ROBO2: variants seen among roughly 807,000 people sequenced by gnomAD.
ROBO2 encodes the protein roundabout guidance receptor 2.
Under a neutral mutation model 160.8 loss-of-function variants are expected in ROBO2, and 53 were observed. The ratio of observed to expected loss-of-function variants is 0.33; its 90% confidence interval spans 0.26 to 0.41. The LOEUF (loss-of-function observed/expected upper bound fraction) is 0.41. Among genes scored for constraint, ROBO2 ranks in the 10% least tolerant of loss-of-function variants. The pLI is 1.00. For synonymous variants in ROBO2, 664 were observed against 611.7 expected, an observed-to-expected ratio of 1.09 and a Z score of -1.26; for missense variants, 1,577 against 1,722.4, an observed-to-expected ratio of 0.92 and a Z score of 1.49.
intron 2 of ROBO2, among the ~76,000 whole-genome samples, chr3:77,150,743 T>C (rs1382189015): frequency 6.6e-6 from 1 of 151,932 alleles, no homozygotes; most frequent in Non-Finnish European, 1.5e-5. Flanking sequence ...TTTTTTTTTA[T>C]TATAAGAACA....
At chr3:76,068,172 C>T (rs771190889) in intron 2 of ROBO2, among the ~76,000 whole-genome samples, 5 of 152,118 alleles carry the variant, frequency 3.3e-5, no homozygotes, top group Non-Finnish European at 5.9e-5. Context: ...AGAGTACAGA[C>T]TTTGCAGGTA....
In ROBO2 at chr3:76,964,702, G is replaced by A. The variant is rs189433659; in HGVS notation, c.110-133312G>A. Among the ~76,000 whole-genome samples, 142 of 152,206 alleles carry A rather than the reference G, an allele frequency of 9.3e-4. 1 individual carries two copies. The highest frequency in any genetic ancestry group is 2.9e-3 in the African/African-American group (122 of 41,526). ...CTGATATAGGTCATTCCATCTCTTC[G>A]ATTGTGTTATTCCTGACTTTACATT... On this transcript the variant is annotated intron_variant, in intron 2 of 26. Transcript: ENST00000487694.
intron 5 of ROBO2, among the ~76,000 whole-genome samples, chr3:77,508,529 T>C (rs977170685): frequency 6.6e-6 from 1 of 150,920 alleles, no homozygotes; most frequent in South Asian, 2.1e-4. Context: ...TAGTGAAAAC[T>C]AGAATGACTG....
intron 2 of ROBO2, among the ~76,000 whole-genome samples, chr3:76,265,100 T>C (rs1481610600): frequency 6.6e-6 from 1 of 152,152 alleles, no homozygotes; most frequent in Non-Finnish European, 1.5e-5. Flanking sequence ...CTCCTGCTGT[T>C]AAGAGGCATC....
chr3:76,300,568 G>T (rs949576912), intron 2 of ROBO2, among the ~76,000 whole-genome samples: 1 of 151,376 alleles, frequency 6.6e-6, no homozygotes, highest in Admixed American at 6.6e-5. Context: ...TGCCATTAAG[G>T]GTGATTAATT....
chr3:76,055,468 G>T (rs7632524), intron 2 of ROBO2, among the ~76,000 whole-genome samples: 51,527 of 152,010 alleles, frequency 0.34, 9,293 homozygotes, highest in South Asian at 0.57. Flanking sequence ...ATACTCAATA[G>T]GCAGTTTATT....
chr3:76,959,931 T>C (rs940713584), intron 2 of ROBO2, among the ~76,000 whole-genome samples: 2 of 151,704 alleles, frequency 1.3e-5, no homozygotes, highest in African/African-American at 4.9e-5. Context: ...TCACTTCACA[T>C]TTCTCATAAT....
intron 21 of ROBO2, among the ~76,000 whole-genome samples, chr3:77,612,337 T>C (rs1452637241): frequency 6.6e-6 from 1 of 152,220 alleles, no homozygotes; most frequent in Non-Finnish European, 1.5e-5. Flanking sequence ...TCTGTTACTT[T>C]CTCATCCTTC....
At chr3:77,207,779 A>G (rs188956911) in intron 2 of ROBO2, among the ~76,000 whole-genome samples, 2 of 152,312 alleles carry the variant, frequency 1.3e-5, no homozygotes, top group African/African-American at 4.8e-5. Flanking sequence ...ATGTGAGGCA[A>G]TTGCAGATTC....
At chr3:76,756,866 A>AGC (rs2061004529) in intron 2 of ROBO2, among the ~76,000 whole-genome samples, 4 of 151,722 alleles carry the variant, frequency 2.6e-5, no homozygotes, top group Non-Finnish European at 2.9e-5. Flanking sequence ...TTTAAATTGC[A>AGC]ACAGCAGCAG....
At chr3:76,339,279 G>A (rs2074073441) in intron 2 of ROBO2, among the ~76,000 whole-genome samples, 1 of 152,050 alleles carries the variant, frequency 6.6e-6, no homozygotes, top group Admixed American at 6.6e-5. Context: ...CAGCTTCCTA[G>A]GCAATAGATT....
intron 2 of ROBO2, among the ~76,000 whole-genome samples, chr3:76,894,603 A>G (rs1489566851): frequency 6.6e-6 from 1 of 152,144 alleles, no homozygotes; most frequent in Non-Finnish European, 1.5e-5. Flanking sequence ...ACAAGGAAAT[A>G]TTTTATGACT....
chr3:76,033,397 T>C (rs564295390), intron 2 of ROBO2, among the ~76,000 whole-genome samples: 1 of 152,224 alleles, frequency 6.6e-6, no homozygotes, highest in East Asian at 1.9e-4. Context: ...CACCTTCAGC[T>C]CTTTGGACAC....
intron 2 of ROBO2, among the ~76,000 whole-genome samples, chr3:76,915,919 C>A (rs1201646720): frequency 6.6e-6 from 1 of 152,128 alleles, no homozygotes; most frequent in Non-Finnish European, 1.5e-5. Context: ...CAGCTTTCTT[C>A]TTGCTGTATC....
rs367779593 is a variant in ROBO2, at chr3:76,932,964, A to G, written c.110-165050A>G. ...CTGGATTGAGAGATCCTGAACAGAC[A>G]TATTTTGTAATTGTTTCAAGGAACA... On this transcript the variant is annotated intron_variant, in intron 2 of 26. Transcript: ENST00000487694. Among the ~76,000 whole-genome samples the G allele has an allele frequency of 5.3e-5, 8 of 152,142 alleles. No homozygotes were observed. The South Asian group carries it at 1.2e-3, about 24-fold the overall frequency.
At chr3:77,562,934 C>T (rs1204824769) in intron 10 of ROBO2, among the ~76,000 whole-genome samples, 1 of 152,010 alleles carries the variant, frequency 6.6e-6, no homozygotes, top group Non-Finnish European at 1.5e-5. Flanking sequence ...CTTTGATAAC[C>T]TTATTATTTT....
chr3:76,948,932 G>C (rs1287557974), intron 2 of ROBO2, among the ~76,000 whole-genome samples: 6 of 65,890 alleles, frequency 9.1e-5, no homozygotes, highest in African/African-American at 4.2e-4. Context: ...TTTTTTTTTA[G>C]TAGAGATGGG....
intron 2 of ROBO2, among the ~76,000 whole-genome samples, chr3:76,952,418 G>A (rs924174347): frequency 7.2e-5 from 11 of 152,076 alleles, no homozygotes; most frequent in African/African-American, 1.9e-4. Flanking sequence ...AAGTAGCTGG[G>A]ATTACAGGCA....
At chr3:77,363,419 A>G (rs2070347004) in intron 2 of ROBO2, among the ~76,000 whole-genome samples, 1 of 152,166 alleles carries the variant, frequency 6.6e-6, no homozygotes, top group Non-Finnish European at 1.5e-5. Flanking sequence ...AAGGGGTCAG[A>G]TAGTAAATGT....
Sources: gnomAD v4.1 joint callset for allele counts (sites outside exome capture counted in the v4.1 genomes callset) on GRCh38, gnomAD v4.1.1 for gene constraint, MANE v1.5 for transcripts, NCBI Gene and HGNC (gene_info 2026-07-23, HGNC 2026-07-21) for gene names.